The following MAPK10 variants were observed in gnomAD, a reference collection of about 807,000 sequenced individuals.
MAPK10 encodes the protein mitogen-activated protein kinase 10.
A neutral mutation model predicts 59.3 loss-of-function variants in MAPK10; 25 were observed. The observed-to-expected ratio is 0.42, with a 90% CI of 0.31 to 0.59. The LOEUF (loss-of-function observed/expected upper bound fraction) is 0.59, where lower values mean the gene tolerates loss of function less well. MAPK10 is among the 20% of genes least tolerant of loss of function. MAPK10 has a pLI of 0.15. For synonymous variants in MAPK10, 190 were observed against 200.5 expected (o/e 0.95, Z 0.44); for missense variants, 351 against 568.9 (o/e 0.62, Z 3.90).
At chr4:86,252,617 G>A (rs1389181179) in intron 2 of MAPK10, among the ~76,000 whole-genome samples, 5 of 123,874 alleles carry the variant, frequency 4.0e-5, no homozygotes, top group African/African-American at 1.7e-4. Context: ...GATGCCTCCA[G>A]CTTTGTTCTT....
intron 1 of MAPK10, among the ~76,000 whole-genome samples, chr4:86,572,801 T>C (rs113972406): frequency 2.0e-5 from 3 of 152,296 alleles, no homozygotes; most frequent in African/African-American, 7.2e-5. Flanking sequence ...TTTGCATCTT[T>C]ACCAGTAATT....
intron 11 of MAPK10, among the ~76,000 whole-genome samples, chr4:86,042,270 C>T: frequency 6.6e-6 from 1 of 152,116 alleles, no homozygotes; most frequent in Non-Finnish European, 1.5e-5. Context: ...GAGAGTTGAA[C>T]AATGAGAACA....
intron 1 of MAPK10, among the ~76,000 whole-genome samples, chr4:86,547,887 G>C (rs1221727201): frequency 1.3e-5 from 2 of 152,174 alleles, no homozygotes; most frequent in Non-Finnish European, 2.9e-5. Context: ...TGGGGCCTTA[G>C]AGAACCTTTA....
At chr4:86,214,459 T>C (rs756183116) in intron 2 of MAPK10, among the ~76,000 whole-genome samples, 9 of 148,028 alleles carry the variant, frequency 6.1e-5, no homozygotes, top group Non-Finnish European at 1.2e-4. Context: ...AGTACAATTA[T>C]ATTTGTTCAC....
intron 2 of MAPK10, among the ~76,000 whole-genome samples, chr4:86,216,541 A>G (rs1242469940): frequency 3.3e-5 from 5 of 151,870 alleles, no homozygotes; most frequent in African/African-American, 4.8e-5. Context: ...GCAATGCCAT[A>G]CCTAAGAACT....
chr4:86,373,185 T>C (rs1189975828), intron 1 of MAPK10, among the ~76,000 whole-genome samples: 1 of 151,988 alleles, frequency 6.6e-6, no homozygotes, highest in Non-Finnish European at 1.5e-5. Flanking sequence ...ATAAACGACG[T>C]TGGGAAAACT....
At chr4:86,559,261 G>A (rs961700017) in intron 1 of MAPK10, among the ~76,000 whole-genome samples, 23 of 150,736 alleles carry the variant, frequency 1.5e-4, no homozygotes, top group African/African-American at 5.1e-4. Context: ...AACTTTTTTG[G>A]AGGAGATAAG....
chr4:86,489,066 C>T (rs1377553106), intron 1 of MAPK10, among the ~76,000 whole-genome samples: 1 of 152,164 alleles, frequency 6.6e-6, no homozygotes, highest in Non-Finnish European at 1.5e-5. Flanking sequence ...AACCAAGATA[C>T]TCTAGCCAAC....
rs866864141 is a variant in MAPK10 at position 86,528,197 on chromosome 4, A to T, written c.-263+65713T>A. ...TTTAAAAACACACAGAGAGAAAAGGAAACTTTGGAAAAGAAATGTAACCAT... is the reference window on the plus strand; with the variant it reads ...TTTAAAAACACACAGAGAGAAAAGGTAACTTTGGAAAAGAAATGTAACCAT... On this transcript the variant is annotated intron_variant, in intron 1 of 4. Coordinates refer to the MAPK10 transcript ENST00000502302. Among the ~76,000 whole-genome samples the T allele has an allele frequency of 3.9e-5, 6 of 152,326 alleles. No homozygotes were observed. The South Asian group carries it at 8.3e-4, about 21-fold the overall frequency.
chr4:86,308,036 A>G (rs963975649), intron 2 of MAPK10, among the ~76,000 whole-genome samples: 1 of 152,200 alleles, frequency 6.6e-6, no homozygotes, highest in Admixed American at 6.5e-5. Context: ...AACAATTAAC[A>G]GAGAAAGGCC....
At chr4:86,249,592 G>A (rs894424477) in intron 2 of MAPK10, among the ~76,000 whole-genome samples, 7 of 152,126 alleles carry the variant, frequency 4.6e-5, no homozygotes, top group African/African-American at 7.2e-5. Context: ...GAGAAAATAC[G>A]GTTTGGAAGT....
chr4:86,204,156 A>G (rs1456603496), intron 2 of MAPK10, among the ~76,000 whole-genome samples: 1 of 151,990 alleles, frequency 6.6e-6, no homozygotes, highest in Non-Finnish European at 1.5e-5. Context: ...TTATAGAAAA[A>G]GTTTGCCAAC....
At chr4:86,033,997 G>A (rs2039655370) in intron 11 of MAPK10, among the ~76,000 whole-genome samples, 1 of 151,982 alleles carries the variant, frequency 6.6e-6, no homozygotes, top group Non-Finnish European at 1.5e-5. Context: ...ACTCGCTTGT[G>A]CTCTTTCCCT....
chr4:86,146,700 A>G (rs2065094008), intron 4 of MAPK10, among the ~76,000 whole-genome samples: 1 of 152,212 alleles, frequency 6.6e-6, no homozygotes, highest in African/African-American at 2.4e-5. Context: ...CACTGAACAG[A>G]ACCAAAATCT....
chr4:86,246,888 T>C (rs2093130155), intron 2 of MAPK10, among the ~76,000 whole-genome samples: 1 of 152,182 alleles, frequency 6.6e-6, no homozygotes, highest in South Asian at 2.1e-4. Flanking sequence ...GCCAATCATA[T>C]CATCCCAACC....
chr4:86,383,733 C>T (rs1258779718), intron 1 of MAPK10, among the ~76,000 whole-genome samples: 4 of 151,822 alleles, frequency 2.6e-5, no homozygotes, highest in Non-Finnish European at 5.9e-5. Context: ...TTTATTTTAT[C>T]CTTTAAGCTT....
chr4:86,222,803 A>G (rs972831468), intron 2 of MAPK10, among the ~76,000 whole-genome samples: 29 of 152,196 alleles, frequency 1.9e-4, no homozygotes, highest in African/African-American at 6.5e-4. Flanking sequence ...TTTGAAGGCA[A>G]CTTCTAAACT....
intron 3 of MAPK10, among the ~76,000 whole-genome samples, chr4:86,178,285 T>G (rs2076143476): frequency 6.6e-6 from 1 of 152,030 alleles, no homozygotes. Flanking sequence ...ATTAATAAAT[T>G]TTTCACACAC....
At chr4:86,163,670 G>A (rs1184329009) in intron 3 of MAPK10, among the ~76,000 whole-genome samples, 2 of 152,136 alleles carry the variant, frequency 1.3e-5, no homozygotes, top group Admixed American at 1.3e-4. Flanking sequence ...GTAATACTAG[G>A]ATAAGGCCAA....
Sources: gnomAD v4.1 joint callset for allele counts (sites outside exome capture counted in the v4.1 genomes callset) on GRCh38, gnomAD v4.1.1 for gene constraint, MANE v1.5 for transcripts, NCBI Gene and HGNC (gene_info 2026-07-23, HGNC 2026-07-21) for gene names.